Variants in PDCD11 observed in about 807,000 individuals in gnomAD.
PDCD11 encodes programmed cell death 11.
A neutral mutation model predicts 198.9 loss-of-function variants in PDCD11; 97 were observed. The observed-to-expected ratio is 0.49, with a 90% CI of 0.41 to 0.58. PDCD11 has a LOEUF of 0.58. Among genes scored for constraint, PDCD11 ranks in the 20% least tolerant of loss-of-function variants. PDCD11 has a pLI of 0.00. For missense variants in PDCD11, 2,102 were observed against 2,312.7 expected (o/e 0.91, Z 1.87); for synonymous variants, 893 against 918.0 (o/e 0.97, Z 0.49).
rs376343993 is a variant in PDCD11 at position 103,443,261 on chromosome 10, C to T, written c.5052C>T (p.Ala1684=). ...QESLTKVFER[A]VQYNEPLKVF... ...CCCTGACCAAGGTCTTTGAGCGAGC[C>T]GTGCAGTACAACGAGCCTCTCAAAG... The change falls in exon 33 of 36, where the codon GCC becomes GCT. Residue 1684 remains alanine, a synonymous_variant. Transcript: ENST00000369797. The T allele has an allele frequency of 1.6e-5, 26 of 1,612,986 alleles. No homozygotes were observed. Among genetic ancestry groups the T allele is most frequent in the Non-Finnish European group, 1.8e-5 (21 of 1,179,230 alleles).
chr10:103,445,304 A>G (rs1340741753), intron 35 of PDCD11, 74 bp from the exon 36 acceptor site: 1 of 1,417,368 alleles, frequency 7.1e-7, no homozygotes, highest in African/African-American at 1.4e-5. Context: ...GCTGAGAGCA[A>G]GTGGGTGAGT....
rs775109070 is a variant in PDCD11, at chr10:103,414,361, C to CCTCA, written c.1371+33_1371+36dup. On this transcript the variant is annotated intron_variant, in intron 11 of 35. Transcript: ENST00000369797. Reference sequence around the variant, plus strand: ...ACCTCAAGCATATAATTAGGTACTGCCTCACCATCAGGCGTTCTTTAGTTC... The same window carrying CCTCA: ...ACCTCAAGCATATAATTAGGTACTGCCTCACTCACCATCAGGCGTTCTTTAGTTC... The CCTCA allele has an allele frequency of 7.1e-6, 11 of 1,541,622 alleles. No homozygotes were observed. In the East Asian group the frequency reaches 2.5e-4, roughly 35 times the overall value.
chr10:103,402,957 G>A (rs113977589), intron 3 of PDCD11, among the ~76,000 whole-genome samples, 161 bp from the exon 4 acceptor site: 204 of 152,312 alleles, frequency 1.3e-3, no homozygotes, highest in African/African-American at 3.8e-3. Flanking sequence ...CTGAGCCCAG[G>A]CAGTCCTCCT....
At chr10:103,434,771 C>A in intron 24 of PDCD11, 27 bp from the exon 25 acceptor site, 1 of 1,587,392 alleles carries the variant, frequency 6.3e-7, no homozygotes, top group Non-Finnish European at 8.6e-7. Flanking sequence ...TTTCCTCTTC[C>A]CTGAATCAGG....
chr10:103,445,242 A>T, intron 35 of PDCD11, 136 bp from the exon 36 acceptor site: 1 of 751,828 alleles, frequency 1.3e-6, no homozygotes. Flanking sequence ...TGGATTAATA[A>T]AGATAATGGT....
Position 103,440,333 on chromosome 10 carries a change from G to A in PDCD11, c.4192G>A (p.Gly1398Arg), listed in dbSNP as rs141994658. ...CCTGGTAGAGCTGTCTTTCCTCCCC[G>A]GAGACACTGGGAAGCCAGACGTGCT... is the stretch of plus-strand genomic sequence containing the variant. ...KNLVELSFLP[G>R]DTGKPDVLSA... Residue 1398 changes from glycine to arginine, a missense_variant, in exon 29 of 36, where the codon GGA becomes AGA. Transcript: ENST00000369797. 12 of 1,614,008 alleles carry A rather than the reference G, an allele frequency of 7.4e-6. No homozygotes were observed. In the African/African-American group the frequency reaches 8.0e-5, roughly 11 times the overall value.
chr10:103,400,282 A>T, intron 2 of PDCD11, 115 bp from the exon 3 acceptor site: 2 of 385,490 alleles, frequency 5.2e-6, no homozygotes, highest in East Asian at 7.5e-5. Context: ...GGGATGGGGT[A>T]GGGTGGAGTG....
chr10:103,413,321 G>T lies in PDCD11; in HGVS notation c.1184G>T (p.Arg395Leu), dbSNP rs147977386. ...RLKDGVLAYA[R>L]LSHLSDSKNV... ...AAGGATGGGGTTCTGGCCTATGCCCGGGTAAGGAGGCCTCTTTGTTTGGTC... is the reference window on the plus strand; with the variant it reads ...AAGGATGGGGTTCTGGCCTATGCCCTGGTAAGGAGGCCTCTTTGTTTGGTC... Residue 395 changes from arginine (R) to leucine (L), a missense_variant and splice_region_variant, in exon 9 of 36, where the codon CGG (arginine) becomes CTG (leucine). By Grantham distance (102) the Arg-to-Leu change is moderately radical. Transcript: ENST00000369797. 34 of 1,613,116 alleles carry T rather than the reference G, an allele frequency of 2.1e-5. No homozygotes were observed. In the African/African-American group the frequency reaches 3.9e-4, roughly 18 times the overall value.
chr10:103,436,345 G>A (rs2032154876), intron 25 of PDCD11, among the ~76,000 whole-genome samples: 1 of 152,168 alleles, frequency 6.6e-6, no homozygotes, highest in African/African-American at 2.4e-5. Flanking sequence ...TAAGTGATCT[G>A]CCTGCCTTGG....
chr10:103,405,726 G>A (rs2030404230), intron 5 of PDCD11, among the ~76,000 whole-genome samples: 3 of 152,134 alleles, frequency 2.0e-5, no homozygotes, highest in African/African-American at 7.2e-5. Context: ...AACCACTTGA[G>A]GCAAGAGACT....
intron 21 of PDCD11, 78 bp from the exon 22 acceptor site, chr10:103,432,051 C>A: frequency 1.8e-6 from 2 of 1,087,182 alleles, no homozygotes; most frequent in Non-Finnish European, 2.8e-6. Flanking sequence ...AATCCGTGGC[C>A]ACTTGGGAGA....
At chr10:103,419,501 G>T in intron 15 of PDCD11, 37 bp from the exon 16 acceptor site, 1 of 1,593,140 alleles carries the variant, frequency 6.3e-7, no homozygotes, top group Non-Finnish European at 8.6e-7. Context: ...CATTTCATCT[G>T]CCCTTTCTGG....
intron 20 of PDCD11, 86 bp downstream of exon 20, chr10:103,425,611 T>C: frequency 8.5e-7 from 1 of 1,178,426 alleles, no homozygotes; most frequent in Non-Finnish European, 1.2e-6. Context: ...CTCCAAAAAG[T>C]TGCATGTAAG....
intron 18 of PDCD11, 151 bp downstream of exon 18, chr10:103,423,288 T>G (rs1189383585): frequency 7.7e-6 from 6 of 783,606 alleles, no homozygotes; most frequent in African/African-American, 5.3e-5. Context: ...ATGCAAAGGC[T>G]TAGGTATGAA....
At chr10:103,411,529 C>CTAATTTTT (rs1414291451) in intron 8 of PDCD11, among the ~76,000 whole-genome samples, 1 of 152,012 alleles carries the variant, frequency 6.6e-6, no homozygotes, top group East Asian at 1.9e-4. Context: ...CCACGCCCAG[C>CTAATTTTT]TAATTTTTGC....
intron 9 of PDCD11, 115 bp from the exon 10 acceptor site, chr10:103,413,851 A>G: frequency 1.0e-6 from 1 of 1,001,130 alleles, no homozygotes; most frequent in Non-Finnish European, 1.4e-6. Flanking sequence ...CCAGGCAATC[A>G]AAGTACTGTT....
intron 25 of PDCD11, among the ~76,000 whole-genome samples, chr10:103,437,643 A>T (rs182208568): frequency 0.016 from 2,400 of 151,884 alleles, 67 homozygotes; most frequent in African/African-American, 0.056. Flanking sequence ...GCCCGCCACC[A>T]CGCCCGGCTA....
In PDCD11 at chr10:103,413,996, T is replaced by C; in HGVS notation, c.1216T>C (p.Phe406Leu). The C allele has an allele frequency of 6.2e-7, 1 of 1,613,362 alleles. No individual in the cohort carries two copies. The highest frequency in any genetic ancestry group is 8.5e-7 in the Non-Finnish European group (1 of 1,179,744). The change falls in exon 10 of 36, where the codon TTC becomes CTC. Residue 406 changes from phenylalanine (F) to leucine (L), a missense_variant. Phe to Leu is a conservative substitution (Grantham distance 22). Transcript: ENST00000369797. Reference sequence around the variant, plus strand: ...CCATCTCTCTGATTCTAAGAACGTCTTCAATCCTGAGGCCTTCAAGCCAGG... The same window carrying C: ...CCATCTCTCTGATTCTAAGAACGTCCTCAATCCTGAGGCCTTCAAGCCAGG... ...LSHLSDSKNV[F>L]NPEAFKPGNT...
In PDCD11 at chr10:103,442,403, C is replaced by T. The variant is rs145409439; in HGVS notation, c.4898C>T (p.Thr1633Met). Residue 1633 changes from threonine (T) to methionine (M), a missense_variant, in exon 32 of 36, where the codon ACG (threonine) becomes ATG (methionine). Coordinates refer to ENST00000369797, the MANE Select transcript of PDCD11 (RefSeq NM_014976.2). ...LQYMAFHLQA[T>M]EIEKARAVAE... ...TACATGGCTTTCCACCTGCAGGCCA[C>T]GGAGATCGAGAAGGCCCGTGCCGTG... The T allele has an allele frequency of 1.3e-4, 211 of 1,614,050 alleles. No homozygotes were observed. Among genetic ancestry groups the T allele is most frequent in the Non-Finnish European group, 1.6e-4 (188 of 1,180,030 alleles).
Sources: gnomAD v4.1 joint callset for allele counts (sites outside exome capture counted in the v4.1 genomes callset) on GRCh38, gnomAD v4.1.1 for gene constraint, MANE v1.5 for transcripts, NCBI Gene and HGNC (gene_info 2026-07-23, HGNC 2026-07-21) for gene names.